DNAH5: variants seen among roughly 807,000 people sequenced by gnomAD.
The protein encoded by DNAH5 is dynein axonemal heavy chain 5.
A neutral mutation model predicts 518.2 loss-of-function variants in DNAH5; 372 were observed. That is an observed-to-expected ratio of 0.72 (90% confidence interval 0.66 to 0.78). The LOEUF (loss-of-function observed/expected upper bound fraction) is 0.78. Among genes scored for constraint, DNAH5 ranks in the 30% least tolerant of loss-of-function variants. DNAH5 has a pLI of 0.00. For synonymous variants in DNAH5, 2,039 were observed against 2,025.9 expected, an observed-to-expected ratio of 1.01 and a Z score of -0.17; for missense variants, 5,523 against 5,687.0, an observed-to-expected ratio of 0.97 and a Z score of 0.93.
At position 13,900,331 on chromosome 5, in the gene DNAH5, G is replaced by T; in HGVS notation, c.2134C>A (p.Pro712Thr). The stretch of plus-strand genomic sequence containing the variant: ...TCTCTAAATAAGATTAATATCTGAG[G>T]GTCAAAGTTTACAAACAATTCCCCT... Reference protein sequence around the residue: ...GTGELFVNFDPQILILFRETE... With the variant: ...GTGELFVNFDTQILILFRETE... The change falls in exon 15 of 79, where the codon CCT becomes ACT. Residue 712 changes from proline to threonine, a missense_variant. Coordinates refer to ENST00000265104, the MANE Select transcript of DNAH5 (RefSeq NM_001369.3). 1.9e-6 allele frequency: 3 copies of T among 1,614,038 alleles called. No individual in the cohort carries two copies. The highest frequency in any genetic ancestry group is 1.1e-5 in the South Asian group (1 of 91,070).
intron 74 of DNAH5, among the ~76,000 whole-genome samples, chr5:13,716,244 T>C (rs1340510499): frequency 6.6e-6 from 1 of 151,962 alleles, no homozygotes. Context: ...AATTCCTCCC[T>C]GGGGCATTAA....
intron 30 of DNAH5, among the ~76,000 whole-genome samples, chr5:13,853,944 ACT>A (rs1375834052): frequency 2.6e-5 from 4 of 152,124 alleles, no homozygotes; most frequent in Admixed American, 2.6e-4. Context: ...GTTAGAAAAC[ACT>A]CTTCAGGATA....
chr5:13,981,261 T>G (rs1006622819), intron 1 of DNAH5, among the ~76,000 whole-genome samples: 2 of 152,212 alleles, frequency 1.3e-5, no homozygotes, highest in Non-Finnish European at 2.9e-5. Context: ...ATGATTCAGA[T>G]GTCAGTGATC....
chr5:13,862,530 G>A lies in DNAH5; in HGVS notation c.4796+18C>T, dbSNP rs1019598702. 1.9e-6 allele frequency: 3 copies of A among 1,610,460 alleles called. No individual in the cohort carries two copies. The highest frequency in any genetic ancestry group is 2.7e-5 in the African/African-American group (2 of 74,844). ...TACGGTTCTCAAATCTAAGGGAAAA[G>A]ATAGATGGTTTTCCCACCTGTTGCT... On this transcript the variant is annotated intron_variant, in intron 29 of 78. Transcript: ENST00000265104.
chr5:13,993,489 A>G (rs1166262646), intron 1 of DNAH5, among the ~76,000 whole-genome samples: 1 of 152,240 alleles, frequency 6.6e-6, no homozygotes, highest in East Asian at 1.9e-4. Flanking sequence ...CCACTGTACT[A>G]TTACAAATAT....
intron 6 of DNAH5, 37 bp downstream of exon 6, chr5:13,920,443 T>G: frequency 1.2e-6 from 2 of 1,613,426 alleles, no homozygotes; most frequent in Non-Finnish European, 1.7e-6. Flanking sequence ...CGCAGTAATG[T>G]GGCACCTGAA....
At chr5:14,009,043 C>T (rs181132166) in intron 1 of DNAH5, among the ~76,000 whole-genome samples, 2 of 152,316 alleles carry the variant, frequency 1.3e-5, no homozygotes, top group Admixed American at 6.5e-5. Context: ...TACAAATATC[C>T]CTGGTAGGTA....
chr5:13,811,794 T>A lies in DNAH5; in HGVS notation c.7260A>T (p.Glu2420Asp). 1 of 1,614,174 alleles carries A rather than the reference T, an allele frequency of 6.2e-7. No homozygotes were observed. The highest frequency in any genetic ancestry group is 8.5e-7 in the Non-Finnish European group (1 of 1,180,022). The change falls in exon 44 of 79, where the codon GAA becomes GAT. Residue 2420 changes from glutamate (E) to aspartate (D), a missense_variant. By Grantham distance (45) the Glu-to-Asp change is conservative. Coordinates refer to ENST00000265104, the MANE Select transcript of DNAH5 (RefSeq NM_001369.3). ...EGFLKKRSPQ[E>D]AEILRQLYTE... ...TGTACAGCTGACGAAGAATTTCTGC[T>A]TCTTGAGGTGAGCGTTTCTTAAGAA... is the stretch of plus-strand genomic sequence containing the variant.
intron 35 of DNAH5, among the ~76,000 whole-genome samples, chr5:13,836,023 G>C (rs9312848): frequency 0.41 from 62,860 of 151,942 alleles, 13,436 homozygotes; most frequent in East Asian, 0.6. Context: ...AAGGGCTTCA[G>C]GGTTACTCCA....
chr5:13,844,150 G>A lies in DNAH5; in HGVS notation c.5271+687C>T, dbSNP rs117089610. On this transcript the variant is annotated intron_variant, in intron 32 of 78. Transcript: ENST00000265104. ...CAGCACAAGTTCATGGAAGGTTAGCGTATTCCCAGTGTTAAGCATGACATC... is the reference window on the plus strand; with the variant it reads ...CAGCACAAGTTCATGGAAGGTTAGCATATTCCCAGTGTTAAGCATGACATC... 1.0e-3 allele frequency among the ~76,000 whole-genome samples: 155 copies of A among 152,268 alleles called. 1 individual carries two copies. In the East Asian group the frequency reaches 0.021, roughly 21 times the overall value.
intron 68 of DNAH5, among the ~76,000 whole-genome samples, chr5:13,734,411 T>G (rs908841279): frequency 2.6e-5 from 4 of 151,592 alleles, no homozygotes; most frequent in Non-Finnish European, 5.9e-5. Context: ...ATAGTGAATT[T>G]ATGTTTTCCA....
intron 78 of DNAH5, among the ~76,000 whole-genome samples, chr5:13,696,011 G>C (rs905373497): frequency 6.6e-6 from 1 of 152,156 alleles, no homozygotes. Context: ...GGGCTCAGGA[G>C]CCAGGAGGTC....
At chr5:13,964,830 A>G (rs1298395616) in intron 1 of DNAH5, among the ~76,000 whole-genome samples, 1 of 152,238 alleles carries the variant, frequency 6.6e-6, no homozygotes, top group East Asian at 1.9e-4. Flanking sequence ...TAGTGCCAAT[A>G]TTGTGAATTA....
At chr5:13,801,140 A>T (rs914505997) in intron 47 of DNAH5, among the ~76,000 whole-genome samples, 12 of 152,058 alleles carry the variant, frequency 7.9e-5, no homozygotes, top group African/African-American at 2.9e-4. Context: ...GTCATCCCCA[A>T]TGTTGGAGGT....
At chr5:13,755,942 G>A (rs1418535571) in intron 61 of DNAH5, among the ~76,000 whole-genome samples, 3 of 152,214 alleles carry the variant, frequency 2.0e-5, no homozygotes, top group African/African-American at 4.8e-5. Flanking sequence ...AGAAGAGAAA[G>A]GAGTAAATGT....
chr5:13,791,773 T>C (rs1461799368), intron 50 of DNAH5, among the ~76,000 whole-genome samples: 1 of 152,224 alleles, frequency 6.6e-6, no homozygotes, highest in Non-Finnish European at 1.5e-5. Flanking sequence ...GTGTATATGA[T>C]GTTCTTAAAA....
intron 59 of DNAH5, among the ~76,000 whole-genome samples, chr5:13,764,664 T>A (rs114991007): frequency 0.015 from 2,304 of 152,284 alleles, 67 homozygotes; most frequent in African/African-American, 0.053. Context: ...TAAATGTGTA[T>A]AACCAAAGTC....
At chr5:13,859,396 C>T (rs1768063823) in intron 30 of DNAH5, 56 bp downstream of exon 30, 11 of 1,590,514 alleles carry the variant, frequency 6.9e-6, no homozygotes, top group East Asian at 2.2e-5. Flanking sequence ...AGGGGGTAAT[C>T]GCTCTGAGAG....
rs1740697397 is a variant in DNAH5, at chr5:13,691,599, A to C, written c.*385T>G. ...AAAATCAGCACAGACTTGCCCTGTT[A>C]CCTTCAAGAACTTGGCTGTTACCAG... On this transcript the variant is annotated 3_prime_UTR_variant, in exon 79 of 79. Transcript: ENST00000265104. 2 of 215,912 alleles carry C rather than the reference A, an allele frequency of 9.3e-6. No homozygotes were observed. Among genetic ancestry groups the C allele is most frequent in the South Asian group, 1.5e-4 (2 of 13,584 alleles). The allele number at this position is 215,912 out of a possible 1,614,324, so 13.4% of individuals were successfully genotyped here. A position where few individuals can be genotyped will look rare whatever the true frequency, so the allele number is the denominator to read the frequency against.
Sources: allele counts gnomAD v4.1 joint callset (sites outside exome capture counted in the v4.1 genomes callset), GRCh38; gene constraint gnomAD v4.1.1; transcripts MANE v1.5; gene names NCBI Gene and HGNC (gene_info 2026-07-23, HGNC 2026-07-21).